The following PLGRKT variants were observed in gnomAD, a reference collection of about 807,000 sequenced individuals.
PLGRKT encodes plasminogen receptor (KT).
A neutral mutation model predicts 18.5 loss-of-function variants in PLGRKT; 22 were observed. The observed-to-expected ratio is 1.19, with a 90% CI of 0.85 to 1.70. PLGRKT has a LOEUF of 1.70. PLGRKT is among the 40% of genes most tolerant of loss of function. The pLI, the probability that PLGRKT is intolerant of heterozygous loss-of-function variation, is 0.00. For synonymous variants in PLGRKT, 72 were observed against 52.8 expected (o/e 1.36, Z -1.58); for missense variants, 235 against 174.4 (o/e 1.35, Z -1.96).
chr9:5,357,989 AT>A lies in PLGRKT; in HGVS notation c.*249del. ...CATTTGCTTCCAGGAATTCAAAACA[AT>A]TTATTAATTTTACACTTAGATATTG... On this transcript the variant is annotated 3_prime_UTR_variant, in exon 6 of 6. Transcript: ENST00000223864. 3.5e-6 allele frequency: 1 copy of A among 289,150 alleles called. No individual in the cohort carries two copies. 17.9% of individuals were successfully genotyped at this position (289,150 alleles called of 1,614,324 possible). A position where few individuals can be genotyped will look rare whatever the true frequency, so the allele number is the denominator to read the frequency against.
chr9:5,412,182 T>G (rs1818378490), intron 3 of PLGRKT, among the ~76,000 whole-genome samples: 1 of 152,216 alleles, frequency 6.6e-6, no homozygotes, highest in Non-Finnish European at 1.5e-5. Context: ...ATACAGGTAG[T>G]ATCTCAACTC....
At chr9:5,395,315 G>T (rs558007763) in intron 3 of PLGRKT, among the ~76,000 whole-genome samples, 24 of 151,952 alleles carry the variant, frequency 1.6e-4, no homozygotes, top group Admixed American at 3.9e-4. Flanking sequence ...ACTATAAAAT[G>T]AATCTTCTCT....
chr9:5,433,775 G>T (rs1334169289), intron 2 of PLGRKT, among the ~76,000 whole-genome samples: 1 of 139,726 alleles, frequency 7.2e-6, no homozygotes. Context: ...CGTCTGGGAT[G>T]TGAGGAGTGC....
At chr9:5,416,748 C>G (rs1818468564) in intron 3 of PLGRKT, among the ~76,000 whole-genome samples, 1 of 152,164 alleles carries the variant, frequency 6.6e-6, no homozygotes, top group Non-Finnish European at 1.5e-5. Flanking sequence ...AAGTGTCTGT[C>G]CTGGACCCAT....
intron 3 of PLGRKT, among the ~76,000 whole-genome samples, chr9:5,429,121 G>A (rs530235329): frequency 2.0e-5 from 3 of 152,300 alleles, no homozygotes; most frequent in Non-Finnish European, 4.4e-5. Flanking sequence ...AAGATACTGT[G>A]ATGTGTGTCA....
In PLGRKT at chr9:5,358,222, G is replaced by T. The variant is rs777737512; in HGVS notation, c.*17C>A. The T allele has an allele frequency of 3.8e-6, 6 of 1,595,158 alleles. No homozygotes were observed. Among genetic ancestry groups the T allele is most frequent in the South Asian group, 1.1e-5 (1 of 89,194 alleles). On this transcript the variant is annotated 3_prime_UTR_variant, in exon 6 of 6. Coordinates refer to ENST00000223864, the MANE Select transcript of PLGRKT (RefSeq NM_018465.4). ...TCAATAATTCTGTGCTTTGAGATTT[G>T]ATTGGTAAGCATGATTTCATTTGTC...
intron 3 of PLGRKT, among the ~76,000 whole-genome samples, chr9:5,420,799 G>A (rs1322162384): frequency 6.6e-6 from 1 of 152,072 alleles, no homozygotes; most frequent in Non-Finnish European, 1.5e-5. Flanking sequence ...GCTTTCCTCA[G>A]AACATAGGAC....
intron 3 of PLGRKT, among the ~76,000 whole-genome samples, chr9:5,401,955 G>A (rs755353658): frequency 6.6e-6 from 1 of 151,460 alleles, no homozygotes; most frequent in Non-Finnish European, 1.5e-5. Flanking sequence ...GTTTAGTGTG[G>A]ATTTTTTTTT....
In PLGRKT at chr9:5,370,851, T is replaced by C. The variant is rs926118774; in HGVS notation, c.82-8963A>G. 2.6e-5 allele frequency among the ~76,000 whole-genome samples: 4 copies of C among 152,216 alleles called. No homozygotes were observed. In the East Asian group the frequency reaches 5.8e-4, roughly 22 times the overall value. On this transcript the variant is annotated intron_variant, in intron 3 of 5. Coordinates refer to ENST00000223864, the MANE Select transcript of PLGRKT (RefSeq NM_018465.4). ...TGGCAAGTGGCATTTAACCTTAACT[T>C]GCTTGACGGATATGTTAAATGTTCA... is the stretch of plus-strand genomic sequence containing the variant.
chr9:5,407,263 C>T (rs1563782780), intron 3 of PLGRKT, among the ~76,000 whole-genome samples: 1 of 152,064 alleles, frequency 6.6e-6, no homozygotes, highest in Non-Finnish European at 1.5e-5. Flanking sequence ...CCCAATGGCC[C>T]CATATTGCTA....
intron 3 of PLGRKT, among the ~76,000 whole-genome samples, chr9:5,396,690 TAATA>T (rs1251242462): frequency 2.0e-5 from 3 of 151,970 alleles, no homozygotes; most frequent in Non-Finnish European, 4.4e-5. Context: ...CATTTAAAAA[TAATA>T]AATAAAGACA....
intron 3 of PLGRKT, among the ~76,000 whole-genome samples, chr9:5,415,584 G>T (rs2131151397): frequency 6.6e-6 from 1 of 152,264 alleles, no homozygotes; most frequent in African/African-American, 2.4e-5. Context: ...ATATAAACTT[G>T]ATGGATACAA....
At chr9:5,405,339 G>C (rs1255777514) in intron 3 of PLGRKT, among the ~76,000 whole-genome samples, 1 of 152,156 alleles carries the variant, frequency 6.6e-6, no homozygotes, top group Non-Finnish European at 1.5e-5. Flanking sequence ...GAGGAATCAT[G>C]CTACCTGACT....
At chr9:5,435,080 G>A (rs938280081) in intron 2 of PLGRKT, among the ~76,000 whole-genome samples, 5 of 151,726 alleles carry the variant, frequency 3.3e-5, no homozygotes, top group African/African-American at 4.8e-5. Context: ...GATTAAGGGT[G>A]GTGCAAGATG....
chr9:5,369,461 G>C (rs1188358374), intron 3 of PLGRKT, among the ~76,000 whole-genome samples: 2 of 152,184 alleles, frequency 1.3e-5, no homozygotes, highest in Non-Finnish European at 1.5e-5. Flanking sequence ...AGAGGATGTG[G>C]AGAAATAGGA....
chr9:5,360,547 T>A (rs1038029809), intron 5 of PLGRKT, among the ~76,000 whole-genome samples: 2 of 152,242 alleles, frequency 1.3e-5, no homozygotes, highest in Non-Finnish European at 2.9e-5. Flanking sequence ...AAGTCAAGCC[T>A]TGATTTGGCA....
rs71326158 is a variant in PLGRKT, at chr9:5,371,986, C to CTTTTTTTTTTTTTTTTTTTTTTTTTTT, written c.82-10099_82-10098insAAAAAAAAAAAAAAAAAAAAAAAAAAA. The stretch of plus-strand genomic sequence containing the variant: ...CTGCAAAAAACAATATCAGAAAATC[C>CTTTTTTTTTTTTTTTTTTTTTTTTTTT]TTTTTTTTTTTTTGATATGGAGTCT... On this transcript the variant is annotated intron_variant, in intron 3 of 5. Coordinates refer to ENST00000223864, the MANE Select transcript of PLGRKT (RefSeq NM_018465.4). 2.1e-3 allele frequency among the ~76,000 whole-genome samples: 187 copies of CTTTTTTTTTTTTTTTTTTTTTTTTTTT among 89,090 alleles called. 37 individuals carry two copies. Among genetic ancestry groups the CTTTTTTTTTTTTTTTTTTTTTTTTTTT allele is most frequent in the Non-Finnish European group, 2.3e-3 (113 of 48,562 alleles). The allele number at this position is 89,090 out of a possible 152,430, so 58.4% of individuals were successfully genotyped here.
chr9:5,423,885 G>C (rs1346893181), intron 3 of PLGRKT, among the ~76,000 whole-genome samples: 2 of 82,184 alleles, frequency 2.4e-5, no homozygotes, highest in African/African-American at 6.3e-5. Flanking sequence ...ATGTAATATA[G>C]TCTATAATAT....
At chr9:5,403,058 G>A (rs1364378209) in intron 3 of PLGRKT, among the ~76,000 whole-genome samples, 10 of 151,732 alleles carry the variant, frequency 6.6e-5, no homozygotes, top group Non-Finnish European at 1.3e-4. Flanking sequence ...GTAGAAATAA[G>A]GTTTATTTTG....
Sources: gnomAD v4.1 joint callset for allele counts (sites outside exome capture counted in the v4.1 genomes callset) on GRCh38, gnomAD v4.1.1 for gene constraint, MANE v1.5 for transcripts, NCBI Gene and HGNC (gene_info 2026-07-23, HGNC 2026-07-21) for gene names.